Variants in SYNE1 observed in about 807,000 individuals in gnomAD.
The protein encoded by SYNE1 is nesprin-1.
In SYNE1, 616 loss-of-function variants were observed where a neutral mutation model predicts 1,111.0. That is an observed-to-expected ratio of 0.55 (90% CI 0.52 to 0.59). The LOEUF (loss-of-function observed/expected upper bound fraction) is 0.59, where lower values mean the gene tolerates loss of function less well. Ranked by LOEUF, SYNE1 falls within the 20% of genes least tolerant of loss-of-function variation. The pLI, the probability that SYNE1 is intolerant of heterozygous loss-of-function variation, is 0.00. For synonymous variants in SYNE1, 3,855 were observed against 3,825.8 expected (o/e 1.01, Z -0.28); for missense variants, 10,006 against 10,417.0 (o/e 0.96, Z 1.72).
At chr6:152,172,992 A>T (rs1200578060) in intron 130 of SYNE1, among the ~76,000 whole-genome samples, 1 of 152,244 alleles carries the variant, frequency 6.6e-6, no homozygotes, top group Non-Finnish European at 1.5e-5. Context: ...CTGTAATTTA[A>T]ATAGCCATCC....
intron 87 of SYNE1, among the ~76,000 whole-genome samples, chr6:152,311,902 A>G (rs1275816862): frequency 6.6e-6 from 1 of 151,912 alleles, no homozygotes; most frequent in Non-Finnish European, 1.5e-5. Flanking sequence ...CAGCCCCCCG[A>G]GCAGCTGGGA....
chr6:152,363,509 A>C (rs1591138375), intron 63 of SYNE1, among the ~76,000 whole-genome samples: 2 of 29,064 alleles, frequency 6.9e-5, no homozygotes, highest in Non-Finnish European at 8.2e-5. Flanking sequence ...AAATAAATAA[A>C]TAAATAAATA....
chr6:152,543,322 C>T (rs2099281902), intron 3 of SYNE1, among the ~76,000 whole-genome samples: 1 of 152,112 alleles, frequency 6.6e-6, no homozygotes, highest in South Asian at 2.1e-4. Flanking sequence ...ACGTAGTCAG[C>T]TGAATTCTAG....
At chr6:152,550,598 T>C (rs1323490897) in intron 3 of SYNE1, among the ~76,000 whole-genome samples, 1 of 151,530 alleles carries the variant, frequency 6.6e-6, no homozygotes, top group African/African-American at 2.4e-5. Flanking sequence ...TGCATCAGCC[T>C]TGAAGCCTTG....
intron 34 of SYNE1, 86 bp from the exon 35 acceptor site, chr6:152,430,795 A>G: frequency 7.8e-7 from 1 of 1,279,050 alleles, no homozygotes; most frequent in South Asian, 1.2e-5. Context: ...AAGAGGGAAT[A>G]TTTTCTTAAC....
In SYNE1 at chr6:152,359,596, T is replaced by A. The variant is rs2096897037; in HGVS notation, c.10300-138A>T. 6.6e-6 allele frequency: 7 copies of A among 1,059,862 alleles called. No individual in the cohort carries two copies. The South Asian group carries it at 9.8e-5, about 15-fold the overall frequency. The allele number at this position is 1,059,862 out of a possible 1,614,324, so 65.7% of individuals were successfully genotyped here. ...ATTCGTCCACTCCTCCATCATTTTA[T>A]CTATTTGACACAGATATGTGTGTGA... On this transcript the variant is annotated intron_variant, in intron 64 of 145. Transcript: ENST00000367255.
At chr6:152,452,302 G>GGT (rs138437661) in intron 25 of SYNE1, among the ~76,000 whole-genome samples, 4,331 of 150,920 alleles carry the variant, frequency 0.029, 208 homozygotes, top group African/African-American at 0.096. Context: ...AAATCCTAGA[G>GGT]GTGTGTGTGT....
intron 95 of SYNE1, among the ~76,000 whole-genome samples, chr6:152,293,185 A>C (rs933956623): frequency 9.8e-5 from 15 of 152,362 alleles, no homozygotes; most frequent in African/African-American, 3.6e-4. Context: ...CCCCCTGGCT[A>C]AGTTTCTTAA....
chr6:152,487,449 T>C (rs751024131), intron 12 of SYNE1, among the ~76,000 whole-genome samples: 4 of 152,222 alleles, frequency 2.6e-5, no homozygotes, highest in African/African-American at 4.8e-5. Flanking sequence ...CAGTCTACAT[T>C]GATGGGCATT....
In SYNE1 at chr6:152,211,589, C is replaced by A. The variant is rs376126783; in HGVS notation, c.22495-1G>T. On this transcript the variant is annotated splice_acceptor_variant, in intron 123 of 145. Transcript: ENST00000367255. LOFTEE classifies it high-confidence loss of function. ...GACTGAACATCTCGGCTTGAAACAA[C>A]TATAATTTAAAAAAAAGAAGAACAT... The A allele has an allele frequency of 1.9e-6, 3 of 1,612,626 alleles. No homozygotes were observed. In the Admixed American group the frequency reaches 5.0e-5, roughly 27 times the overall value.
chr6:152,255,121 T>G, intron 103 of SYNE1, 32 bp from the exon 104 acceptor site: 1 of 1,515,988 alleles, frequency 6.6e-7, no homozygotes, highest in Non-Finnish European at 9.0e-7. Context: ...TTTTCAGTGT[T>G]TAGATACATG....
chr6:152,359,186 T>TA (rs1302229921), intron 65 of SYNE1, 129 bp downstream of exon 65: 1 of 1,351,292 alleles, frequency 7.4e-7, no homozygotes, highest in East Asian at 2.3e-5. Context: ...TTTAAAATAT[T>TA]AAAAATTCAT....
At position 152,409,306 on chromosome 6, in the gene SYNE1, T is replaced by G; in HGVS notation, c.6382-80A>C. The G allele has an allele frequency of 2.8e-6, 4 of 1,406,880 alleles. 1 individual carries two copies. Among genetic ancestry groups the G allele is most frequent in the Non-Finnish European group, 2.0e-6 (2 of 1,005,218 alleles). The allele number at this position is 1,406,880 out of a possible 1,614,324, so 87.1% of individuals were successfully genotyped here. On this transcript the variant is annotated intron_variant, in intron 43 of 145. Transcript: ENST00000367255. ...TAAAACCATTTGTCTCTAAGAAATT[T>G]AATTCATAATTGACCTTATGCAGAA...
At position 152,466,269 on chromosome 6, in the gene SYNE1, G is replaced by A. The variant is rs145989762; in HGVS notation, c.1633-191C>T. 0.023 allele frequency among the ~76,000 whole-genome samples: 3,507 copies of A among 152,184 alleles called. 58 individuals are homozygous for A. The highest frequency in any genetic ancestry group is 0.035 in the Non-Finnish European group (2,358 of 68,008). On this transcript the variant is annotated intron_variant, in intron 16 of 145. Coordinates refer to ENST00000367255, the MANE Select transcript of SYNE1 (RefSeq NM_182961.4). ...TTCTGAACACATAAATTGATTCCACGCTTTTGATTCTAACCCAGTACAGGA... is the reference window on the plus strand; with the variant it reads ...TTCTGAACACATAAATTGATTCCACACTTTTGATTCTAACCCAGTACAGGA...
At chr6:152,401,955 T>C (rs1009342919) in intron 46 of SYNE1, among the ~76,000 whole-genome samples, 1 of 152,190 alleles carries the variant, frequency 6.6e-6, no homozygotes, top group African/African-American at 2.4e-5. Context: ...TAATGAAAAC[T>C]TTGAACTTAA....
intron 56 of SYNE1, among the ~76,000 whole-genome samples, chr6:152,380,146 C>A (rs965288762): frequency 6.6e-6 from 1 of 152,158 alleles, no homozygotes. Flanking sequence ...TTATGGCATG[C>A]TGCATTTGTT....
At chr6:152,536,822 T>C (rs945495607) in intron 4 of SYNE1, among the ~76,000 whole-genome samples, 5 of 152,068 alleles carry the variant, frequency 3.3e-5, no homozygotes, top group African/African-American at 1.2e-4. Flanking sequence ...TCCATTTTTC[T>C]CCATTTAAGC....
Position 152,376,199 on chromosome 6 carries a change from G to A in SYNE1, c.9324+182C>T, listed in dbSNP as rs567971788. On this transcript the variant is annotated intron_variant, in intron 58 of 145. Coordinates refer to ENST00000367255, the MANE Select transcript of SYNE1 (RefSeq NM_182961.4). ...ATCTGATGCTACCGCTGATCTGACA[G>A]GAGGTGGAGCTCAGGCAGTAACGCT... is the stretch of plus-strand genomic sequence containing the variant. 5.6e-4 allele frequency: 344 copies of A among 614,804 alleles called. 1 individual carries two copies. The Middle Eastern group carries it at 5.8e-3, about 10-fold the overall frequency. 38.1% of individuals were successfully genotyped at this position (614,804 alleles called of 1,614,324 possible).
Position 152,309,807 on chromosome 6 carries a change from T to C in SYNE1, c.17202+28A>G, listed in dbSNP as rs778545258. ...AAGCCCATGATTCATCAGCAATTGCTCTACTGGTGTGGGTACCCTGCACCT... is the reference window on the plus strand; with the variant it reads ...AAGCCCATGATTCATCAGCAATTGCCCTACTGGTGTGGGTACCCTGCACCT... On this transcript the variant is annotated intron_variant, in intron 90 of 145. Coordinates refer to ENST00000367255, the MANE Select transcript of SYNE1 (RefSeq NM_182961.4). 4 of 1,612,468 alleles carry C rather than the reference T, an allele frequency of 2.5e-6. No homozygotes were observed. In the Admixed American group the frequency reaches 6.7e-5, roughly 27 times the overall value.
Sources: allele counts gnomAD v4.1 joint callset (sites outside exome capture counted in the v4.1 genomes callset), GRCh38; gene constraint gnomAD v4.1.1; transcripts MANE v1.5; gene names NCBI Gene and HGNC (gene_info 2026-07-23, HGNC 2026-07-21).